Variants in NAV3 observed in about 807,000 individuals in gnomAD.
NAV3 encodes pore membrane and/or filament interacting like protein 1.
Under a neutral mutation model 244.7 loss-of-function variants are expected in NAV3, and 87 were observed. That is an observed-to-expected ratio of 0.36 (90% confidence interval 0.30 to 0.42). The LOEUF is 0.42. Among genes scored for constraint, NAV3 ranks in the 20% least tolerant of loss-of-function variants. The pLI is 1.00. For synonymous variants in NAV3, 1,126 were observed against 1,042.2 expected, an observed-to-expected ratio of 1.08 and a Z score of -1.55; for missense variants, 2,663 against 2,893.3, an observed-to-expected ratio of 0.92 and a Z score of 1.83.
intron 2 of NAV3, among the ~76,000 whole-genome samples, chr12:77,628,859 A>G (rs1475127045): frequency 6.7e-5 from 10 of 149,104 alleles, no homozygotes; most frequent in Non-Finnish European, 1.5e-4. Flanking sequence ...TCACCACTGC[A>G]GTCCACAGTC....
chr12:78,096,984 A>G (rs392085), intron 12 of NAV3, among the ~76,000 whole-genome samples: 28,296 of 152,044 alleles, frequency 0.19, 2,638 homozygotes, highest in Non-Finnish European at 0.21. Context: ...GATGGTCCAG[A>G]TTAGCAACAA....
chr12:78,148,728 T>G, intron 21 of NAV3, 114 bp from the exon 22 acceptor site: 2 of 805,170 alleles, frequency 2.5e-6, no homozygotes, highest in Non-Finnish European at 4.0e-6. Flanking sequence ...GAGTTGCTGC[T>G]GATACAATGG....
At chr12:77,919,771 A>AG (rs1887527371) in intron 1 of NAV3, among the ~76,000 whole-genome samples, 1 of 151,828 alleles carries the variant, frequency 6.6e-6, no homozygotes, top group African/African-American at 2.4e-5. Context: ...TGGCAATTAT[A>AG]CTCCCTTTGC....
At chr12:77,614,624 C>T (rs768900598) in intron 2 of NAV3, among the ~76,000 whole-genome samples, 17 of 152,206 alleles carry the variant, frequency 1.1e-4, no homozygotes, top group Non-Finnish European at 1.8e-4. Context: ...TTTAAGACCA[C>T]GAGTTGTAGA....
intron 20 of NAV3, among the ~76,000 whole-genome samples, chr12:78,141,248 G>A (rs988681021): frequency 1.4e-5 from 2 of 148,000 alleles, no homozygotes; most frequent in African/African-American, 5.0e-5. Context: ...TTGCAAACGT[G>A]TGACATTATA....
At position 77,925,824 on chromosome 12, in the gene NAV3, C is replaced by CA. The variant is rs568103164; in HGVS notation, c.244-14492dup. 1.3e-3 allele frequency among the ~76,000 whole-genome samples: 192 copies of CA among 152,130 alleles called. 2 individuals carry two copies. Among genetic ancestry groups the CA allele is most frequent in the Non-Finnish European group, 2.2e-3 (152 of 68,002 alleles). On this transcript the variant is annotated intron_variant, in intron 1 of 39. Transcript: ENST00000397909. ...AATGAAACCATCAAAGTGTCCTTAGCAAATAGCAAACTAGATGACAGATCT... is the reference window on the plus strand; with the variant it reads ...AATGAAACCATCAAAGTGTCCTTAGCAAAATAGCAAACTAGATGACAGATCT...
At chr12:77,599,449 G>A (rs915015490) in intron 2 of NAV3, among the ~76,000 whole-genome samples, 2 of 151,746 alleles carry the variant, frequency 1.3e-5, no homozygotes, top group Non-Finnish European at 2.9e-5. Context: ...TGTACTTTGT[G>A]ACCTTTTATC....
At chr12:77,814,608 A>G (rs905240910) in intron 2 of NAV3, among the ~76,000 whole-genome samples, 2 of 152,180 alleles carry the variant, frequency 1.3e-5, no homozygotes, top group African/African-American at 4.8e-5. Context: ...GGGACAGTGG[A>G]GAAGCAGCTT....
Position 78,120,942 on chromosome 12 carries a change from C to T in NAV3, c.3749+997C>T, listed in dbSNP as rs540603852. On this transcript the variant is annotated intron_variant, in intron 15 of 39. Transcript: ENST00000397909. ...GAAAAACCTAAAGGCTTTATTCCTC[C>T]GTAGTAATATTAATGCTGCAGAACT... 8.5e-5 allele frequency among the ~76,000 whole-genome samples: 13 copies of T among 152,212 alleles called. No homozygotes were observed. In the South Asian group the frequency reaches 1.9e-3, roughly 22 times the overall value.
At chr12:78,040,276 A>G (rs1055723431) in intron 9 of NAV3, among the ~76,000 whole-genome samples, 1 of 152,260 alleles carries the variant, frequency 6.6e-6, no homozygotes, top group Non-Finnish European at 1.5e-5. Context: ...GTTTTGCTCA[A>G]TAAGCGTTGG....
At chr12:78,071,588 G>A in intron 12 of NAV3, among the ~76,000 whole-genome samples, 1 of 152,102 alleles carries the variant, frequency 6.6e-6, no homozygotes, top group African/African-American at 2.4e-5. Flanking sequence ...CTCGTCTTTT[G>A]TTGCCATTGC....
chr12:78,134,443 A>G (rs1293899739), intron 18 of NAV3, among the ~76,000 whole-genome samples: 4 of 152,182 alleles, frequency 2.6e-5, no homozygotes, highest in Non-Finnish European at 5.9e-5. Context: ...ATCTTCACCT[A>G]TTGTTCCTAG....
chr12:78,074,765 G>T (rs1357138811), intron 12 of NAV3, among the ~76,000 whole-genome samples: 3 of 152,122 alleles, frequency 2.0e-5, no homozygotes, highest in African/African-American at 7.2e-5. Context: ...GTATTCCAAT[G>T]CCAATTGGCA....
chr12:77,693,759 T>C (rs996256363), intron 2 of NAV3, among the ~76,000 whole-genome samples: 9 of 152,226 alleles, frequency 5.9e-5, no homozygotes, highest in Non-Finnish European at 1.3e-4. Context: ...GACCCCTTTT[T>C]TCCTCTGCTC....
intron 1 of NAV3, among the ~76,000 whole-genome samples, chr12:77,868,755 C>CAAA (rs35998964): frequency 0.078 from 8,011 of 103,360 alleles, 402 homozygotes; most frequent in East Asian, 0.21. Context: ...GACTCCATCT[C>CAAA]AAAAAAAAAA....
At chr12:77,990,181 G>A (rs1328763025) in intron 5 of NAV3, among the ~76,000 whole-genome samples, 1 of 152,150 alleles carries the variant, frequency 6.6e-6, no homozygotes, top group Non-Finnish European at 1.5e-5. Flanking sequence ...TAGGGAGAAG[G>A]CTTTACTCAG....
intron 1 of NAV3, among the ~76,000 whole-genome samples, chr12:77,862,890 T>C (rs928480912): frequency 6.6e-6 from 1 of 151,734 alleles, no homozygotes. Context: ...CATATTCAAT[T>C]TTGGAAGGTC....
intron 2 of NAV3, among the ~76,000 whole-genome samples, chr12:77,777,474 C>G (rs1870423328): frequency 6.6e-6 from 1 of 152,156 alleles, no homozygotes; most frequent in African/African-American, 2.4e-5. Context: ...ATACACTGGA[C>G]AAAAGGATGA....
chr12:77,961,374 A>AT (rs1891959210), intron 3 of NAV3, among the ~76,000 whole-genome samples: 1 of 141,634 alleles, frequency 7.1e-6, no homozygotes, highest in Non-Finnish European at 1.5e-5. Flanking sequence ...TATAATAAAT[A>AT]TATTAATATA....
Sources: gnomAD v4.1 joint callset for allele counts (sites outside exome capture counted in the v4.1 genomes callset) on GRCh38, gnomAD v4.1.1 for gene constraint, MANE v1.5 for transcripts, NCBI Gene and HGNC (gene_info 2026-07-23, HGNC 2026-07-21) for gene names.